Variants in ASTN2 observed in about 807,000 individuals in gnomAD.
The protein encoded by ASTN2 is astrotactin-2.
ASTN2 carries 54 observed loss-of-function variants against 139.8 expected under a neutral mutation model. That is an observed-to-expected ratio of 0.39 (90% CI 0.31 to 0.48). ASTN2 has a LOEUF of 0.48. Among genes scored for constraint, ASTN2 ranks in the 20% least tolerant of loss-of-function variants. The pLI is 0.95. For missense variants in ASTN2, 1,565 were observed against 1,725.1 expected (o/e 0.91, Z 1.64); for synonymous variants, 756 against 719.5 (o/e 1.05, Z -0.81).
At chr9:116,599,162 T>G (rs1471273227) in intron 19 of ASTN2, among the ~76,000 whole-genome samples, 4 of 152,204 alleles carry the variant, frequency 2.6e-5, no homozygotes. Context: ...AGTGGAAAGC[T>G]GCTAGTCAAC....
At chr9:117,131,501 A>G (rs1829826820) in intron 4 of ASTN2, among the ~76,000 whole-genome samples, 1 of 152,202 alleles carries the variant, frequency 6.6e-6, no homozygotes, top group South Asian at 2.1e-4. Flanking sequence ...GAAAATTTGC[A>G]TCTGTAGAGA....
chr9:117,181,100 A>C, intron 3 of ASTN2: 2 of 1,011,034 alleles, frequency 2.0e-6, no homozygotes, highest in East Asian at 4.7e-5. Flanking sequence ...CAACCCATAC[A>C]ACAAACAGGC....
At position 116,960,848 on chromosome 9, in the gene ASTN2, T is replaced by C. The variant is rs369103895; in HGVS notation, c.1889+14360A>G. Reference sequence around the variant, plus strand: ...ATTCCTTCTAGATGCCATGTTTACCTGACTGGACCAGACACCTGCACAGCT... The same window carrying C: ...ATTCCTTCTAGATGCCATGTTTACCCGACTGGACCAGACACCTGCACAGCT... On this transcript the variant is annotated intron_variant, in intron 10 of 22. Coordinates refer to ENST00000313400, the MANE Select transcript of ASTN2 (RefSeq NM_001365068.1). Among the ~76,000 whole-genome samples, 41 of 152,318 alleles carry C rather than the reference T, an allele frequency of 2.7e-4. 1 individual carries two copies. The highest frequency in any genetic ancestry group is 9.9e-4 in the African/African-American group (41 of 41,572).
intron 11 of ASTN2, among the ~76,000 whole-genome samples, chr9:116,852,263 G>A (rs543894997): frequency 9.9e-5 from 15 of 152,274 alleles, no homozygotes; most frequent in East Asian, 7.7e-4. Context: ...CACTGGGTCC[G>A]GCCAACAATA....
chr9:116,694,571 C>A lies in ASTN2; in HGVS notation c.2806+31200G>T, dbSNP rs1032146009. Among the ~76,000 whole-genome samples the A allele has an allele frequency of 3.5e-5, 5 of 143,042 alleles. No individual in the cohort carries two copies. The South Asian group carries it at 1.1e-3, about 33-fold the overall frequency. The allele number at this position is 143,042 out of a possible 152,430, so 93.8% of individuals were successfully genotyped here. On this transcript the variant is annotated intron_variant, in intron 16 of 22. Coordinates refer to ENST00000313400, the MANE Select transcript of ASTN2 (RefSeq NM_001365068.1). ...CGCCTCCCAGGTTCATGCCATTGTCCTGCCTCAGCCTCCCGAGTAGCTGGG... is the reference window on the plus strand; with the variant it reads ...CGCCTCCCAGGTTCATGCCATTGTCATGCCTCAGCCTCCCGAGTAGCTGGG...
At chr9:116,660,235 A>T (rs1858482706) in intron 16 of ASTN2, among the ~76,000 whole-genome samples, 1 of 151,952 alleles carries the variant, frequency 6.6e-6, no homozygotes, top group Admixed American at 6.6e-5. Context: ...GCAACAGTGG[A>T]GATTCCAAAA....
In ASTN2 at chr9:117,150,438, A is replaced by T. The variant is rs527845571; in HGVS notation, c.1016-8960T>A. ...ATAGGCCCACAAATCCTTTTTGAGG[A>T]AAAAAGGGTCAAGTAAGTAGACATC... On this transcript the variant is annotated intron_variant, in intron 3 of 22. Transcript: ENST00000313400. 3.3e-5 allele frequency among the ~76,000 whole-genome samples: 5 copies of T among 152,310 alleles called. 1 individual carries two copies. In the South Asian group the frequency reaches 1.0e-3, roughly 32 times the overall value.
At chr9:116,534,573 T>C (rs760937223) in intron 19 of ASTN2, among the ~76,000 whole-genome samples, 34 of 152,200 alleles carry the variant, frequency 2.2e-4, no homozygotes, top group Non-Finnish European at 3.8e-4. Context: ...TTTGTTCTCT[T>C]TGATTTCAAA....
chr9:117,252,034 A>C (rs1833553022), intron 2 of ASTN2, among the ~76,000 whole-genome samples: 1 of 152,226 alleles, frequency 6.6e-6, no homozygotes, highest in Admixed American at 6.5e-5. Context: ...CTTCAGAACA[A>C]CCTCTGATAA....
chr9:116,875,154 C>G (rs1268444055), intron 10 of ASTN2, among the ~76,000 whole-genome samples: 1 of 152,112 alleles, frequency 6.6e-6, no homozygotes, highest in African/African-American at 2.4e-5. Context: ...AAAGCCAAGA[C>G]TGATGAAAAG....
chr9:117,165,857 A>G (rs1489167548), intron 3 of ASTN2, among the ~76,000 whole-genome samples: 1 of 152,108 alleles, frequency 6.6e-6, no homozygotes, highest in African/African-American at 2.4e-5. Context: ...AATGTAAAAC[A>G]TCTATTATTA....
At chr9:116,967,581 GTGCACACATA>G (rs1487811400) in intron 10 of ASTN2, among the ~76,000 whole-genome samples, 2 of 152,200 alleles carry the variant, frequency 1.3e-5, no homozygotes, top group Admixed American at 1.3e-4. Context: ...CCTACAATGT[GTGCACACATA>G]TGCACACATA....
intron 2 of ASTN2, among the ~76,000 whole-genome samples, chr9:117,221,330 C>A (rs1832510770): frequency 1.3e-5 from 2 of 152,092 alleles, no homozygotes; most frequent in South Asian, 2.1e-4. Context: ...ACTCAGTACA[C>A]TGTTTGGCCT....
At chr9:117,282,304 T>A (rs953734643) in intron 2 of ASTN2, among the ~76,000 whole-genome samples, 16 of 152,348 alleles carry the variant, frequency 1.1e-4, no homozygotes, top group African/African-American at 3.8e-4. Context: ...TATATATACA[T>A]AGCTATAGCT....
chr9:117,070,798 G>C (rs1052886907), intron 5 of ASTN2, among the ~76,000 whole-genome samples: 80 of 151,194 alleles, frequency 5.3e-4, no homozygotes, highest in African/African-American at 1.8e-3. Context: ...CCAGTTGATC[G>C]CATCGGCTCC....
chr9:117,034,547 A>G (rs1451618650), intron 6 of ASTN2, among the ~76,000 whole-genome samples: 1 of 152,172 alleles, frequency 6.6e-6, no homozygotes, highest in Non-Finnish European at 1.5e-5. Context: ...AAGTGATCAC[A>G]TATGTTAGAT....
chr9:116,604,004 T>A (rs1259737391), intron 19 of ASTN2, among the ~76,000 whole-genome samples: 4 of 152,166 alleles, frequency 2.6e-5, no homozygotes, highest in Non-Finnish European at 5.9e-5. Context: ...CCCAATGGAC[T>A]GAATTTCAAA....
At chr9:117,214,323 C>T (rs555332489) in intron 3 of ASTN2, 35 bp downstream of exon 3, 4 of 1,531,738 alleles carry the variant, frequency 2.6e-6, no homozygotes, top group Non-Finnish European at 3.5e-6. Context: ...TTCAAAATGC[C>T]CCCTGGAAAA....
intron 2 of ASTN2, among the ~76,000 whole-genome samples, chr9:117,248,311 G>T (rs561813441): frequency 6.6e-6 from 1 of 152,226 alleles, no homozygotes; most frequent in South Asian, 2.1e-4. Flanking sequence ...AAGCTGAAAT[G>T]TGAGTTGAGT....
Sources: allele counts gnomAD v4.1 joint callset (sites outside exome capture counted in the v4.1 genomes callset), GRCh38; gene constraint gnomAD v4.1.1; transcripts MANE v1.5; gene names NCBI Gene and HGNC (gene_info 2026-07-23, HGNC 2026-07-21).